The following ZMIZ1 variants were observed in gnomAD, a reference collection of about 807,000 sequenced individuals.
The protein encoded by ZMIZ1 is zinc finger MIZ domain-containing protein 1.
A neutral mutation model predicts 113.9 loss-of-function variants in ZMIZ1; 17 were observed. The ratio of observed to expected loss-of-function variants is 0.15; its 90% confidence interval spans 0.10 to 0.22. The LOEUF (loss-of-function observed/expected upper bound fraction) is 0.22, where lower values mean the gene tolerates loss of function less well. Ranked by LOEUF, ZMIZ1 falls within the 10% of genes least tolerant of loss-of-function variation. The pLI is 1.00. For missense variants in ZMIZ1, 1,059 were observed against 1,477.8 expected, an observed-to-expected ratio of 0.72 and a Z score of 4.65; for synonymous variants, 607 against 603.1, an observed-to-expected ratio of 1.01 and a Z score of -0.09.
Position 79,238,389 on chromosome 10 carries a change from C to T in ZMIZ1, c.280+22115C>T, listed in dbSNP as rs1485306656. Among the ~76,000 whole-genome samples the T allele has an allele frequency of 7.2e-5, 11 of 152,218 alleles. No homozygotes were observed. In the South Asian group the frequency reaches 2.1e-3, roughly 29 times the overall value. ...TGGAGGATACGCCCAGGAAGGGGAG[C>T]GGGGTAGAGTGGCAGGAGGCTAAGA... On this transcript the variant is annotated intron_variant, in intron 7 of 24. Coordinates refer to ENST00000334512, the MANE Select transcript of ZMIZ1 (RefSeq NM_020338.4).
At chr10:79,299,596 A>G (rs1854152731) in intron 16 of ZMIZ1, among the ~76,000 whole-genome samples, 1 of 152,244 alleles carries the variant, frequency 6.6e-6, no homozygotes, top group African/African-American at 2.4e-5. Flanking sequence ...GGGGTCAGGC[A>G]GGCCCCATCT....
chr10:79,068,980 T>C lies in ZMIZ1; in HGVS notation c.-627T>C, dbSNP rs568814159. ...CGAGTTGATTCACTTACTCACCCCCTAACGCCGAGTTCCTTTTCACTGTCT... is the reference window on the plus strand; with the variant it reads ...CGAGTTGATTCACTTACTCACCCCCCAACGCCGAGTTCCTTTTCACTGTCT... On this transcript the variant is annotated 5_prime_UTR_variant, in exon 1 of 25. Coordinates refer to ENST00000334512, the MANE Select transcript of ZMIZ1 (RefSeq NM_020338.4). The C allele has an allele frequency of 6.6e-6, 1 of 151,512 alleles. No individual in the cohort carries two copies. The highest frequency in any genetic ancestry group is 1.8e-4 in the South Asian group (1 of 5,458). The allele number at this position is 151,512 out of a possible 1,614,324, so 9.4% of individuals were successfully genotyped here. A position where few individuals can be genotyped will look rare whatever the true frequency, so the allele number is the denominator to read the frequency against.
intron 6 of ZMIZ1, among the ~76,000 whole-genome samples, chr10:79,211,440 G>A (rs1053951484): frequency 1.3e-5 from 2 of 152,142 alleles, no homozygotes; most frequent in South Asian, 2.1e-4. Flanking sequence ...CCACACAAAC[G>A]CACACACACC....
chr10:79,247,401 G>A (rs1646878234), intron 7 of ZMIZ1, among the ~76,000 whole-genome samples: 1 of 152,210 alleles, frequency 6.6e-6, no homozygotes, highest in African/African-American at 2.4e-5. Context: ...CCAAACTGAT[G>A]CACAGAGCTG....
intron 2 of ZMIZ1, among the ~76,000 whole-genome samples, chr10:79,138,353 C>G (rs144145401): frequency 0.013 from 1,914 of 152,324 alleles, 39 homozygotes; most frequent in African/African-American, 0.042. Context: ...TGGACCCACT[C>G]CAGCCAAAAG....
rs576726795 is a variant in ZMIZ1 at position 79,210,057 on chromosome 10, C to G, written c.174+1608C>G. Among the ~76,000 whole-genome samples, 351 of 152,334 alleles carry G rather than the reference C, an allele frequency of 2.3e-3. 2 individuals are homozygous for G. Among genetic ancestry groups the G allele is most frequent in the African/African-American group, 8.1e-3 (335 of 41,584 alleles). ...CCATGGGATCCCCTTCTCCCTCCGC[C>G]CCCCCAGCCCCCTAATCCTCTTTGT... On this transcript the variant is annotated intron_variant, in intron 6 of 24. Coordinates refer to ENST00000334512, the MANE Select transcript of ZMIZ1 (RefSeq NM_020338.4).
intron 12 of ZMIZ1, chr10:79,293,986 T>A (rs1191901605): frequency 2.4e-6 from 1 of 416,210 alleles, no homozygotes; most frequent in Non-Finnish European, 4.5e-6. Flanking sequence ...GCTCAGCCAC[T>A]AACTGGGTGA....
Position 79,311,171 on chromosome 10 carries a change from A to T in ZMIZ1, c.3083A>T (p.Glu1028Val), listed in dbSNP as rs1855129804. Residue 1028 changes from glutamate to valine, a missense_variant, in exon 24 of 25, where the codon GAG becomes GTG. Physicochemically the swap from Glu to Val is moderately radical, Grantham distance 121 (BLOSUM62 -2). Coordinates refer to ENST00000334512, the MANE Select transcript of ZMIZ1 (RefSeq NM_020338.4). ...GCGCAGGGAGCGTCCGACATGCCGG[A>T]GCCTTCGCTGGATGTAAGTTGGGGT... Reference protein sequence around the residue: ...AGAQGASDMPEPSLDLLPELT... With the variant: ...AGAQGASDMPVPSLDLLPELT... 6.2e-7 allele frequency: 1 copy of T among 1,611,300 alleles called. No homozygotes were observed. The highest frequency in any genetic ancestry group is 1.7e-5 in the Admixed American group (1 of 59,916).
chr10:79,090,224 G>C (rs1489514138), intron 1 of ZMIZ1, among the ~76,000 whole-genome samples: 1 of 152,244 alleles, frequency 6.6e-6, no homozygotes, highest in African/African-American at 2.4e-5. Context: ...CAGGTGCAGT[G>C]CCTGGGGTGC....
chr10:79,292,502 A>G, intron 11 of ZMIZ1, 146 bp downstream of exon 11: 1 of 1,106,040 alleles, frequency 9.0e-7, no homozygotes, highest in South Asian at 1.5e-5. Context: ...GCTTTCATGG[A>G]AGCATGTGGA....
chr10:79,283,716 GCAAAGGATTTTTT>G (rs1564580500), intron 8 of ZMIZ1, among the ~76,000 whole-genome samples: 5 of 152,326 alleles, frequency 3.3e-5, no homozygotes, highest in African/African-American at 1.2e-4. Context: ...TGGCCAAGAT[GCAAAGGATTTTTT>G]CCTTTCCTCC....
At chr10:79,249,829 G>A (rs1247679888) in intron 7 of ZMIZ1, among the ~76,000 whole-genome samples, 2 of 152,086 alleles carry the variant, frequency 1.3e-5, no homozygotes, top group Non-Finnish European at 2.9e-5. Flanking sequence ...CCCAATGCAC[G>A]AGGGACCTCC....
At chr10:79,299,352 G>A (rs1854139005) in intron 16 of ZMIZ1, among the ~76,000 whole-genome samples, 161 bp downstream of exon 16, 1 of 152,356 alleles carries the variant, frequency 6.6e-6, no homozygotes, top group South Asian at 2.1e-4. Flanking sequence ...CGGTTGTCAT[G>A]GGAAGTCTGC....
At chr10:79,114,115 T>C (rs534681945) in intron 1 of ZMIZ1, among the ~76,000 whole-genome samples, 4 of 152,300 alleles carry the variant, frequency 2.6e-5, no homozygotes, top group African/African-American at 9.6e-5. Context: ...GCCCCCTCCA[T>C]TTCTATCCAG....
intron 7 of ZMIZ1, among the ~76,000 whole-genome samples, chr10:79,232,781 G>A (rs1025308782): frequency 1.3e-5 from 2 of 152,136 alleles, no homozygotes; most frequent in African/African-American, 2.4e-5. Context: ...GTGCAGGTGC[G>A]GAAGGAATGT....
intron 4 of ZMIZ1, among the ~76,000 whole-genome samples, chr10:79,166,001 T>TGTGTGTGG (rs1554860983): frequency 1.6e-4 from 10 of 61,802 alleles, no homozygotes; most frequent in African/African-American, 4.3e-4. Context: ...TGTGTGTGTG[T>TGTGTGTGG]GGGCTCTCCC....
At position 79,310,941 on chromosome 10, in the gene ZMIZ1, C is replaced by G. The variant is rs540504034; in HGVS notation, c.2853C>G (p.Ser951Arg). Residue 951 changes from serine (S) to arginine (R), a missense_variant, in exon 24 of 25, where the codon AGC becomes AGG. This residue lies in a region of ZMIZ1 where 225 missense variants were observed against 276.0 expected (regional missense o/e 0.82). Coordinates refer to ENST00000334512, the MANE Select transcript of ZMIZ1 (RefSeq NM_020338.4). ...PMQETMPHAG[S>R]SDQPHPSIQQ... The stretch of plus-strand genomic sequence containing the variant: ...CTCCACAGATGCCACACGCTGGCAG[C>G]TCTGACCAGCCCCACCCCTCCATAC... The G allele has an allele frequency of 1.9e-6, 3 of 1,613,478 alleles. No individual in the cohort carries two copies. In the African/African-American group the frequency reaches 4.0e-5, roughly 22 times the overall value.
chr10:79,108,829 A>G (rs1589279922), intron 1 of ZMIZ1, among the ~76,000 whole-genome samples: 1 of 152,014 alleles, frequency 6.6e-6, no homozygotes, highest in Non-Finnish European at 1.5e-5. Flanking sequence ...GGCTTCTTGC[A>G]CAATTCTGCA....
At chr10:79,112,665 T>C (rs1357320105) in intron 1 of ZMIZ1, among the ~76,000 whole-genome samples, 1 of 152,128 alleles carries the variant, frequency 6.6e-6, no homozygotes, top group African/African-American at 2.4e-5. Flanking sequence ...AGTCTCCCAA[T>C]CCTGGCTGAT....
Sources: gnomAD v4.1 joint callset for allele counts (sites outside exome capture counted in the v4.1 genomes callset) on GRCh38, gnomAD v4.1.1 for gene constraint, gnomAD v4.1.1 regional missense constraint, MANE v1.5 for transcripts, NCBI Gene and HGNC (gene_info 2026-07-23, HGNC 2026-07-21) for gene names.